The following MRPL35 variants were observed in gnomAD, a reference collection of about 807,000 sequenced individuals.
The protein encoded by MRPL35 is large ribosomal subunit protein bL35m.
MRPL35 carries 18 observed loss-of-function variants against 21.6 expected under a neutral mutation model. The observed-to-expected ratio is 0.83, with a 90% CI of 0.58 to 1.24. The LOEUF (loss-of-function observed/expected upper bound fraction) is 1.24, where lower values mean the gene tolerates loss of function less well. Among genes scored for constraint, MRPL35 ranks in the 50% most tolerant of loss-of-function variants. MRPL35 has a pLI of 0.00. For synonymous variants in MRPL35, 87 were observed against 86.9 expected, an observed-to-expected ratio of 1.00 and a Z score of -0.01; for missense variants, 223 against 223.2, an observed-to-expected ratio of 1.00 and a Z score of 0.01.
chr2:86,210,969 T>A lies in MRPL35; in HGVS notation c.*301T>A, dbSNP rs994084461. ...TCAAGTGGGACAAACATAAAAAGAC[T>A]CAAAAGCTACAAGTTAGCTCAAGCA... is the stretch of plus-strand genomic sequence containing the variant. On this transcript the variant is annotated 3_prime_UTR_variant, in exon 4 of 4. Coordinates refer to ENST00000337109, the MANE Select transcript of MRPL35 (RefSeq NM_016622.4). 40 of 1,028,750 alleles carry A rather than the reference T, an allele frequency of 3.9e-5. No individual in the cohort carries two copies. The Admixed American group carries it at 5.5e-4, about 14-fold the overall frequency. 63.7% of individuals were successfully genotyped at this position (1,028,750 alleles called of 1,614,324 possible). A position where few individuals can be genotyped will look rare whatever the true frequency, so the allele number is the denominator to read the frequency against.
chr2:86,200,126 T>C (rs1673658886), intron 1 of MRPL35, among the ~76,000 whole-genome samples: 1 of 152,124 alleles, frequency 6.6e-6, no homozygotes, highest in African/African-American at 2.4e-5. Flanking sequence ...TTAAGTACTT[T>C]TTGCAAAAAG....
chr2:86,207,762 T>TCC (rs1358672066), intron 3 of MRPL35, among the ~76,000 whole-genome samples: 1 of 152,108 alleles, frequency 6.6e-6, no homozygotes, highest in African/African-American at 2.4e-5. Flanking sequence ...ACACTTGAGG[T>TCC]CAGGCGTTGT....
rs146737875 is a variant in MRPL35, at chr2:86,208,400, G to A, written c.378+1073G>A. ...TGGCTCACTGTGACCTCTGCCTCAC[G>A]GGTTCAGGCCATTCTCCTGCCTCAG... is the stretch of plus-strand genomic sequence containing the variant. On this transcript the variant is annotated intron_variant, in intron 3 of 3. Transcript: ENST00000337109. 1.5e-3 allele frequency among the ~76,000 whole-genome samples: 234 copies of A among 151,924 alleles called. 1 individual carries two copies. Among genetic ancestry groups the A allele is most frequent in the African/African-American group, 5.3e-3 (219 of 41,408 alleles).
At chr2:86,199,623 A>G (rs1673646684) in intron 1 of MRPL35, 90 bp downstream of exon 1, 1 of 1,488,592 alleles carries the variant, frequency 6.7e-7, no homozygotes, top group South Asian at 1.2e-5. Flanking sequence ...GAGGTTAACA[A>G]GCAAAAAGGG....
In MRPL35 at chr2:86,207,292, C is replaced by T. The variant is rs141615393; in HGVS notation, c.343C>T (p.Leu115Phe). The T allele has an allele frequency of 1.6e-4, 258 of 1,613,876 alleles. No individual in the cohort carries two copies. The African/African-American group carries it at 3.2e-3, about 20-fold the overall frequency. ...KTVKAVIDRF[L>F]RLHCGLWVRR... ...CGTGAAAGCTGTCATCGATAGGTTT[C>T]TTCGACTTCATTGTGGCCTTTGGGT... The change falls in exon 3 of 4, where the codon CTT becomes TTT. Residue 115 changes from leucine (L) to phenylalanine (F), a missense_variant. Coordinates refer to ENST00000337109, the MANE Select transcript of MRPL35 (RefSeq NM_016622.4).
At chr2:86,203,467 T>C (rs1216758164) in intron 1 of MRPL35, among the ~76,000 whole-genome samples, 2 of 152,208 alleles carry the variant, frequency 1.3e-5, no homozygotes, top group Non-Finnish European at 2.9e-5. Context: ...ATTTAAAATA[T>C]TGTATAAAAT....
In MRPL35 at chr2:86,211,738, G is replaced by A; in HGVS notation, c.*1070G>A. 1.0e-6 allele frequency: 1 copy of A among 982,692 alleles called. No individual in the cohort carries two copies. Among genetic ancestry groups the A allele is most frequent in the Non-Finnish European group, 1.2e-6 (1 of 827,456 alleles). 60.9% of individuals were successfully genotyped at this position (982,692 alleles called of 1,614,324 possible). ...GCTGGAGTGCAGTGGTGCAATCATA[G>A]CTCATTGAAGCCTCGCACTCCTGGG... On this transcript the variant is annotated 3_prime_UTR_variant, in exon 4 of 4. Coordinates refer to ENST00000337109, the MANE Select transcript of MRPL35 (RefSeq NM_016622.4).
In MRPL35 at chr2:86,210,666, T is replaced by C. The variant is rs781583171; in HGVS notation, c.565T>C (p.Ter189GlnextTer24). The C allele has an allele frequency of 1.2e-6, 2 of 1,605,508 alleles. No homozygotes were observed. Among genetic ancestry groups the C allele is most frequent in the Non-Finnish European group, 8.5e-7 (1 of 1,176,098 alleles). Residue 189 changes from the stop codon to glutamine, a stop_lost, in exon 4 of 4, where the codon TAG (stop) becomes CAG (glutamine). Coordinates refer to ENST00000337109, the MANE Select transcript of MRPL35 (RefSeq NM_016622.4). ...TCATGATCGAACAAACCTGAAAGTATAGATCAGAAGTTTCACTTGTTTCTC... is the reference window on the plus strand; with the variant it reads ...TCATGATCGAACAAACCTGAAAGTACAGATCAGAAGTTTCACTTGTTTCTC... ...KYHDRTNLKV[*>Q]
intron 2 of MRPL35, 31 bp downstream of exon 2, chr2:86,206,326 TG>T: frequency 6.5e-7 from 1 of 1,543,264 alleles, no homozygotes; most frequent in South Asian, 1.2e-5. Context: ...GGGTTTTTTT[TG>T]TTTTTTGTTT....
At chr2:86,206,047 T>C in intron 1 of MRPL35, 59 bp from the exon 2 acceptor site, 1 of 1,406,214 alleles carries the variant, frequency 7.1e-7, no homozygotes, top group Non-Finnish European at 9.8e-7. Context: ...CATCTCTTAA[T>C]TTTTAATATC....
At chr2:86,203,187 C>T (rs1170604534) in intron 1 of MRPL35, among the ~76,000 whole-genome samples, 2 of 150,762 alleles carry the variant, frequency 1.3e-5, no homozygotes, top group African/African-American at 2.4e-5. Context: ...TCACGCCATT[C>T]TCCTGCTTCA....
chr2:86,201,752 T>C (rs1673689695), intron 1 of MRPL35, among the ~76,000 whole-genome samples: 1 of 152,246 alleles, frequency 6.6e-6, no homozygotes, highest in Non-Finnish European at 1.5e-5. Context: ...AAAATTCTTT[T>C]AGGAAACATA....
chr2:86,202,080 T>C (rs868174469), intron 1 of MRPL35, among the ~76,000 whole-genome samples: 4 of 152,238 alleles, frequency 2.6e-5, no homozygotes, highest in Non-Finnish European at 5.9e-5. Flanking sequence ...CTTTCCTTGA[T>C]GTACTGCACT....
chr2:86,205,742 G>C (rs12714175), intron 1 of MRPL35, among the ~76,000 whole-genome samples: 58,561 of 152,012 alleles, frequency 0.39, 12,963 homozygotes, highest in Non-Finnish European at 0.51. Context: ...TTGCATCCCT[G>C]ACCTGCCATT....
rs138605511 is a variant in MRPL35 at position 86,200,356 on chromosome 2, T to C, written c.43+823T>C. Among the ~76,000 whole-genome samples the C allele has an allele frequency of 2.4e-3, 369 of 152,268 alleles. 3 individuals carry two copies. Among genetic ancestry groups the C allele is most frequent in the African/African-American group, 8.5e-3 (352 of 41,546 alleles). ...ATTTTATATAGTATGCATGAATGAT[T>C]TAACAGTTCTAAAGCAAACACCTGT... On this transcript the variant is annotated intron_variant, in intron 1 of 3. Coordinates refer to ENST00000337109, the MANE Select transcript of MRPL35 (RefSeq NM_016622.4).
At chr2:86,200,562 G>A (rs561042348) in intron 1 of MRPL35, among the ~76,000 whole-genome samples, 1 of 152,178 alleles carries the variant, frequency 6.6e-6, no homozygotes, top group African/African-American at 2.4e-5. Context: ...AGTTTTGCCT[G>A]GTTTTGAACT....
At chr2:86,210,057 A>C (rs1335346737) in intron 3 of MRPL35, among the ~76,000 whole-genome samples, 1 of 152,130 alleles carries the variant, frequency 6.6e-6, no homozygotes, top group Non-Finnish European at 1.5e-5. Context: ...TCTGTCTGCT[A>C]CTTCTCTAAT....
At position 86,199,471 on chromosome 2, in the gene MRPL35, C is replaced by T. The variant is rs1673639907; in HGVS notation, c.-20C>T. The T allele has an allele frequency of 2.5e-6, 4 of 1,614,070 alleles. No homozygotes were observed. Among genetic ancestry groups the T allele is most frequent in the East Asian group, 4.5e-5 (2 of 44,882 alleles). On this transcript the variant is annotated 5_prime_UTR_variant, in exon 1 of 4. Transcript: ENST00000337109. Reference sequence around the variant, plus strand: ...CTTGTGCTTTTAAACCCAAAGCGGCCGCCGTAGGCGAAGGTGAAGATGGCT... The same window carrying T: ...CTTGTGCTTTTAAACCCAAAGCGGCTGCCGTAGGCGAAGGTGAAGATGGCT...
At chr2:86,200,413 G>A (rs1673662415) in intron 1 of MRPL35, among the ~76,000 whole-genome samples, 3 of 152,128 alleles carry the variant, frequency 2.0e-5, no homozygotes, top group African/African-American at 7.2e-5. Context: ...TGCACTACCA[G>A]AAGCCTCCTC....
Sources: gnomAD v4.1 joint callset for allele counts (sites outside exome capture counted in the v4.1 genomes callset) on GRCh38, gnomAD v4.1.1 for gene constraint, MANE v1.5 for transcripts, NCBI Gene and HGNC (gene_info 2026-07-23, HGNC 2026-07-21) for gene names.